Variants in LYZL1 observed in about 807,000 individuals in gnomAD.
LYZL1 encodes lysozyme-like protein 1.
LYZL1 carries 16 observed loss-of-function variants against 17.9 expected under a neutral mutation model. The ratio of observed to expected loss-of-function variants is 0.90; its 90% confidence interval spans 0.61 to 1.36. The LOEUF (loss-of-function observed/expected upper bound fraction) is 1.36. Among genes scored for constraint, LYZL1 ranks in the 40% most tolerant of loss-of-function variants. The pLI, the probability that LYZL1 is intolerant of heterozygous loss-of-function variation, is 0.00. For synonymous variants in LYZL1, 58 were observed against 71.8 expected (o/e 0.81, Z 0.97); for missense variants, 149 against 188.4 (o/e 0.79, Z 1.22).
chr10:29,290,686 A>G (rs1182045138), intron 1 of LYZL1, among the ~76,000 whole-genome samples: 1 of 152,096 alleles, frequency 6.6e-6, no homozygotes, highest in African/African-American at 2.4e-5. Flanking sequence ...TAGAAACACA[A>G]AAATTAGCCA....
At chr10:29,295,905 C>T (rs1835440538) in intron 3 of LYZL1, among the ~76,000 whole-genome samples, 1 of 152,122 alleles carries the variant, frequency 6.6e-6, no homozygotes, top group African/African-American at 2.4e-5. Flanking sequence ...GATCTCAGTC[C>T]AACACCCACA....
rs146679668 is a variant in LYZL1 at position 29,299,236 on chromosome 10, G to T, written c.298+6559G>T. Among the ~76,000 whole-genome samples the T allele has an allele frequency of 2.6e-5, 4 of 152,242 alleles. No homozygotes were observed. The South Asian group carries it at 8.3e-4, about 32-fold the overall frequency. ...ATGAAGCTTAGCTCACTTGCCTGCC[G>T]CTCACCTCCTGCTGTGTGACTTGGT... On this transcript the variant is annotated intron_variant, in intron 3 of 4. Transcript: ENST00000649382.
At chr10:29,316,185 G>T (rs1221623955), downstream of LYZL1, among the ~76,000 whole-genome samples, 1 of 152,184 alleles carries the variant, frequency 6.6e-6, no homozygotes, top group East Asian at 1.9e-4. Context: ...CTCCTTGAGG[G>T]CAGGAAGGCA....
intron 3 of LYZL1, among the ~76,000 whole-genome samples, chr10:29,316,498 C>T (rs1437220842): frequency 6.6e-6 from 1 of 152,138 alleles, no homozygotes; most frequent in African/African-American, 2.4e-5. Flanking sequence ...GGCCTCCTCA[C>T]TGATGTAACC....
intron 1 of LYZL1, among the ~76,000 whole-genome samples, chr10:29,290,191 G>A (rs937226621): frequency 2.0e-5 from 3 of 152,134 alleles, no homozygotes; most frequent in Non-Finnish European, 2.9e-5. Context: ...AAATGACACG[G>A]GATGAACATA....
intron 3 of LYZL1, among the ~76,000 whole-genome samples, chr10:29,306,796 ATG>A (rs35332190): frequency 0.41 from 57,752 of 140,792 alleles, 11,610 homozygotes; most frequent in East Asian, 0.57. Flanking sequence ...CCGCTTATGT[ATG>A]TGTGTGTGTG....
chr10:29,314,057 T>G (rs987530718), downstream of LYZL1, among the ~76,000 whole-genome samples: 4 of 152,206 alleles, frequency 2.6e-5, no homozygotes, highest in Non-Finnish European at 5.9e-5. Flanking sequence ...CCTTGATGCC[T>G]TTTATACCCA....
intron 1 of LYZL1, among the ~76,000 whole-genome samples, chr10:29,289,782 C>CAT (rs1450630450): frequency 5.9e-5 from 9 of 152,120 alleles, no homozygotes; most frequent in African/African-American, 1.9e-4. Flanking sequence ...CTGTACACAG[C>CAT]GGACTGGCAT....
Position 29,289,114 on chromosome 10 carries a change from G to A in LYZL1, c.-142G>A. ...CTCGTTAGAATCAGACATGGCTTCA[G>A]GGGATGCAGGACGCTCCCCTGAGCT... is the stretch of plus-strand genomic sequence containing the variant. On this transcript the variant is annotated 5_prime_UTR_variant, in exon 1 of 5. Coordinates refer to ENST00000649382, the MANE Select transcript of LYZL1 (RefSeq NM_032517.6). The A allele has an allele frequency of 1.9e-6, 3 of 1,581,020 alleles. No homozygotes were observed. The highest frequency in any genetic ancestry group is 1.7e-4 in the Middle Eastern group (1 of 5,888).
Position 29,306,545 on chromosome 10 carries a change from G to A in LYZL1, c.299-3565G>A, listed in dbSNP as rs1382215614. 8.0e-5 allele frequency among the ~76,000 whole-genome samples: 5 copies of A among 62,262 alleles called. No homozygotes were observed. In the East Asian group the frequency reaches 2.4e-3, roughly 30 times the overall value. 40.8% of individuals were successfully genotyped at this position (62,262 alleles called of 152,430 possible). On this transcript the variant is annotated intron_variant, in intron 3 of 4. Transcript: ENST00000649382. ...AGCCTGGGCGACAGAGCGAGACTCC[G>A]TCTCAAAAAAAAAAAAAAAAAAAAA...
At chr10:29,289,901 A>T (rs1014513414) in intron 1 of LYZL1, among the ~76,000 whole-genome samples, 1 of 152,208 alleles carries the variant, frequency 6.6e-6, no homozygotes, top group African/African-American at 2.4e-5. Context: ...GCCACCAATG[A>T]TATATTACCA....
chr10:29,293,989 GA>G (rs1337091224), intron 3 of LYZL1, among the ~76,000 whole-genome samples: 3 of 151,600 alleles, frequency 2.0e-5, no homozygotes, highest in East Asian at 1.9e-4. Flanking sequence ...AAAAAAGAAA[GA>G]AAAAAAGAAA....
intron 3 of LYZL1, among the ~76,000 whole-genome samples, chr10:29,304,002 C>T (rs145893276): frequency 7.5e-4 from 114 of 152,304 alleles, no homozygotes; most frequent in African/African-American, 2.2e-3. Flanking sequence ...CTCAAGCGAT[C>T]CTCCCATCTT....
intron 3 of LYZL1, among the ~76,000 whole-genome samples, chr10:29,300,523 T>TA (rs1835502973): frequency 6.6e-6 from 1 of 152,168 alleles, no homozygotes; most frequent in African/African-American, 2.4e-5. Flanking sequence ...AATTGTCTTT[T>TA]AAATAAATTT....
downstream of LYZL1, among the ~76,000 whole-genome samples, chr10:29,311,965 G>A (rs1835678019): frequency 6.6e-6 from 1 of 151,256 alleles, no homozygotes; most frequent in Admixed American, 6.6e-5. Context: ...TCAAGAAAGG[G>A]AAGGGGAAGG....
chr10:29,310,114 G>T lies in LYZL1; in HGVS notation c.303G>T (p.Leu101Phe). Reference protein sequence around the residue: ...NNHCHVACSALITDDLTDAII... With the variant: ...NNHCHVACSAFITDDLTDAII... ...GATGTCTTCTCTCTTTTACAGCCTT[G>T]ATCACTGATGACCTCACAGATGCAA... Residue 101 changes from leucine (L) to phenylalanine (F), a missense_variant, in exon 4 of 5, where the codon TTG becomes TTT. Leu to Phe is a conservative substitution (Grantham distance 22). Coordinates refer to ENST00000649382, the MANE Select transcript of LYZL1 (RefSeq NM_032517.6). The T allele has an allele frequency of 6.8e-6, 11 of 1,610,152 alleles. No individual in the cohort carries two copies. The highest frequency in any genetic ancestry group is 9.3e-6 in the Non-Finnish European group (11 of 1,176,686).
intron 4 of LYZL1, chr10:29,318,073 A>G (rs1835751452): frequency 1.5e-6 from 1 of 662,452 alleles, no homozygotes; most frequent in African/African-American, 2.0e-5. Flanking sequence ...AATGTGAAAT[A>G]AAGGCATGTT....
chr10:29,311,474 C>T (rs1421746942), downstream of LYZL1, among the ~76,000 whole-genome samples: 3 of 152,014 alleles, frequency 2.0e-5, no homozygotes, highest in Non-Finnish European at 4.4e-5. Context: ...GGGCCGAATC[C>T]CCTTAAGAGT....
intron 3 of LYZL1, among the ~76,000 whole-genome samples, chr10:29,294,599 T>C (rs1835421461): frequency 6.6e-6 from 1 of 152,212 alleles, no homozygotes; most frequent in South Asian, 2.1e-4. Context: ...TGCCTGGCCA[T>C]TGCAGGAGCT....
Sources: allele counts gnomAD v4.1 joint callset (sites outside exome capture counted in the v4.1 genomes callset), GRCh38; gene constraint gnomAD v4.1.1; transcripts MANE v1.5; gene names NCBI Gene and HGNC (gene_info 2026-07-23, HGNC 2026-07-21).